CEP57L1: variants seen among roughly 807,000 people sequenced by gnomAD.
The protein encoded by CEP57L1 is centrosomal protein 57 like 1.
CEP57L1 carries 37 observed loss-of-function variants against 61.0 expected under a neutral mutation model. That is an observed-to-expected ratio of 0.61 (90% CI 0.47 to 0.80). CEP57L1 has a LOEUF of 0.80. CEP57L1 is among the 30% of genes least tolerant of loss of function. The probability of loss-of-function intolerance (pLI) is 0.00; values close to 1 mark genes in which losing one functional copy is unlikely to be tolerated. For synonymous variants in CEP57L1, 137 were observed against 162.3 expected (o/e 0.84, Z 1.19); for missense variants, 422 against 524.7 (o/e 0.80, Z 1.91).
intron 1 of CEP57L1, among the ~76,000 whole-genome samples, chr6:109,137,138 A>G (rs1056643152): frequency 1.3e-5 from 2 of 152,172 alleles, no homozygotes; most frequent in African/African-American, 4.8e-5. Flanking sequence ...TCTGTTTTTA[A>G]TAAAGTCAAT....
chr6:109,149,156 G>A (rs1477439986), intron 3 of CEP57L1, among the ~76,000 whole-genome samples: 4 of 152,134 alleles, frequency 2.6e-5, no homozygotes, highest in Non-Finnish European at 5.9e-5. Flanking sequence ...GGCTTTTGTT[G>A]CCATTGCTTT....
rs1774745904 is a variant in CEP57L1, at chr6:109,135,427, A to G, written c.-3-9792A>G. On this transcript the variant is annotated intron_variant, in intron 1 of 10. Transcript: ENST00000517392. ...CAAAAATTAATTCAAGATGGGTTAA[A>G]GACTTAAATGTTAGACCTAAAACCA... is the stretch of plus-strand genomic sequence containing the variant. 2.0e-5 allele frequency among the ~76,000 whole-genome samples: 3 copies of G among 152,236 alleles called. No homozygotes were observed. In the South Asian group the frequency reaches 6.2e-4, roughly 31 times the overall value.
At chr6:109,136,904 C>T (rs947811927) in intron 1 of CEP57L1, among the ~76,000 whole-genome samples, 3 of 151,790 alleles carry the variant, frequency 2.0e-5, no homozygotes, top group Admixed American at 6.6e-5. Flanking sequence ...TACAGATGTG[C>T]GCCACTGCGC....
chr6:109,134,152 A>G (rs901883584), intron 1 of CEP57L1, among the ~76,000 whole-genome samples: 2 of 152,220 alleles, frequency 1.3e-5, no homozygotes, highest in Admixed American at 6.5e-5. Flanking sequence ...ACATCGATGC[A>G]GAAATCCTCA....
chr6:109,145,394 T>C lies in CEP57L1; in HGVS notation c.160+13T>C, dbSNP rs1194220161. ...CCAAATAGCCAAGGTAATGCTGATA[T>C]AAAATTTGAAGAATGGTAAAAACAT... On this transcript the variant is annotated intron_variant, in intron 2 of 10. Coordinates refer to ENST00000517392, the MANE Select transcript of CEP57L1 (RefSeq NM_001271852.3). 24 of 1,513,532 alleles carry C rather than the reference T, an allele frequency of 1.6e-5. No individual in the cohort carries two copies. The highest frequency in any genetic ancestry group is 2.8e-5 in the African/African-American group (2 of 71,742). 93.8% of individuals were successfully genotyped at this position (1,513,532 alleles called of 1,614,324 possible).
At chr6:109,153,554 G>A (rs771745113) in intron 4 of CEP57L1, among the ~76,000 whole-genome samples, 65 of 150,102 alleles carry the variant, frequency 4.3e-4, no homozygotes, top group Non-Finnish European at 7.7e-4. Context: ...CCTTTTTTGC[G>A]TGTTATATTT....
chr6:109,168,387 T>C lies in CEP57L1; in HGVS notation c.*5417T>C, dbSNP rs1448125025. On this transcript the variant is annotated 3_prime_UTR_variant, in exon 11 of 11. Coordinates refer to ENST00000517392, the MANE Select transcript of CEP57L1 (RefSeq NM_001271852.3). Reference sequence around the variant, plus strand: ...GACTAAAACAGAACAATAAGAATTATACAGAAAGGTTATATTCTAGAGGCC... The same window carrying C: ...GACTAAAACAGAACAATAAGAATTACACAGAAAGGTTATATTCTAGAGGCC... Among the ~76,000 whole-genome samples the C allele has an allele frequency of 6.6e-6, 1 of 152,182 alleles. No individual in the cohort carries two copies. The highest frequency in any genetic ancestry group is 1.5e-5 in the Non-Finnish European group (1 of 68,034).
chr6:109,159,939 A>G (rs953299299), intron 9 of CEP57L1, among the ~76,000 whole-genome samples: 30 of 152,300 alleles, frequency 2.0e-4, no homozygotes, highest in African/African-American at 6.7e-4. Flanking sequence ...AGCTGAATGA[A>G]TTATTTCATT....
rs558572023 is a variant in CEP57L1, at chr6:109,159,505, C to T, written c.1016+43C>T. ...TTTTTTTTTTCAAGAGACAGTGTCT[C>T]GCTATGTTGCCCAGGCTAGTCTTGA... On this transcript the variant is annotated intron_variant, in intron 9 of 10. Transcript: ENST00000517392. 6.0e-5 allele frequency: 94 copies of T among 1,561,080 alleles called. No homozygotes were observed. The South Asian group carries it at 6.5e-4, about 11-fold the overall frequency.
intron 1 of CEP57L1, among the ~76,000 whole-genome samples, chr6:109,142,968 T>G (rs891208923): frequency 4.6e-5 from 5 of 107,906 alleles, no homozygotes; most frequent in African/African-American, 8.0e-5. Flanking sequence ...TCTCTCTCTC[T>G]CTCTCTCTCT....
At position 109,168,539 on chromosome 6, in the gene CEP57L1, A is replaced by C. The variant is rs960627733; in HGVS notation, c.*5569A>C. ...ATCCAGTCAGTGTTTTTCATAGTACATACAGTCATACCGGTGGATTGTCAA... is the reference window on the plus strand; with the variant it reads ...ATCCAGTCAGTGTTTTTCATAGTACCTACAGTCATACCGGTGGATTGTCAA... On this transcript the variant is annotated 3_prime_UTR_variant, in exon 11 of 11. Transcript: ENST00000517392. 1.3e-5 allele frequency among the ~76,000 whole-genome samples: 2 copies of C among 151,290 alleles called. No homozygotes were observed. Among genetic ancestry groups the C allele is most frequent in the African/African-American group, 4.9e-5 (2 of 41,058 alleles).
chr6:109,155,431 C>A, intron 6 of CEP57L1, 124 bp downstream of exon 6: 1 of 531,392 alleles, frequency 1.9e-6, no homozygotes, highest in Non-Finnish European at 3.1e-6. Context: ...CTTTTCGTTA[C>A]AATAATGAAA....
At position 109,150,518 on chromosome 6, in the gene CEP57L1, C is replaced by T. The variant is rs183511559; in HGVS notation, c.462+279C>T. On this transcript the variant is annotated intron_variant, in intron 4 of 10. Coordinates refer to ENST00000517392, the MANE Select transcript of CEP57L1 (RefSeq NM_001271852.3). ...CTCTACTAAAAATACAAAAATTAGC[C>T]GGGCTTGGTGGCAGGCATCTGTAAT... 7.5e-4 allele frequency among the ~76,000 whole-genome samples: 114 copies of T among 151,940 alleles called. 1 individual carries two copies. The highest frequency in any genetic ancestry group is 6.8e-3 in the Middle Eastern group (2 of 294).
intron 1 of CEP57L1, among the ~76,000 whole-genome samples, chr6:109,118,612 C>G (rs953964093): frequency 3.9e-5 from 6 of 152,232 alleles, no homozygotes; most frequent in Non-Finnish European, 8.8e-5. Flanking sequence ...CATACTGAAG[C>G]TTGCTAATAC....
In CEP57L1 at chr6:109,172,806, T is replaced by C. The variant is rs570251118; in HGVS notation, c.*9836T>C. 6.6e-6 allele frequency among the ~76,000 whole-genome samples: 1 copy of C among 152,352 alleles called. No individual in the cohort carries two copies. Among genetic ancestry groups the C allele is most frequent in the African/African-American group, 2.4e-5 (1 of 41,586 alleles). The stretch of plus-strand genomic sequence containing the variant: ...TAGTATACAAAGACCTTCTTATAAG[T>C]CTAGTTAATAAAACTAGGGCCATGT... On this transcript the variant is annotated 3_prime_UTR_variant, in exon 11 of 11. Coordinates refer to ENST00000517392, the MANE Select transcript of CEP57L1 (RefSeq NM_001271852.3).
At chr6:109,095,706 CG>C in intron 1 of CEP57L1, 131 bp downstream of exon 1, 1 of 463,678 alleles carries the variant, frequency 2.2e-6, no homozygotes, top group Non-Finnish European at 2.8e-6. Flanking sequence ...CAGTGACTTG[CG>C]TGGGAAGGAC....
At position 109,167,208 on chromosome 6, in the gene CEP57L1, T is replaced by C. The variant is rs997428751; in HGVS notation, c.*4238T>C. On this transcript the variant is annotated 3_prime_UTR_variant, in exon 11 of 11. Coordinates refer to ENST00000517392, the MANE Select transcript of CEP57L1 (RefSeq NM_001271852.3). ...CTTTGTCTTTCAATTCGTTTTTGTTTTTTTTTTCCTGTAAGGAGAATTAGA... is the reference window on the plus strand; with the variant it reads ...CTTTGTCTTTCAATTCGTTTTTGTTCTTTTTTTCCTGTAAGGAGAATTAGA... Among the ~76,000 whole-genome samples, 18 of 152,142 alleles carry C rather than the reference T, an allele frequency of 1.2e-4. No homozygotes were observed. The highest frequency in any genetic ancestry group is 4.1e-4 in the African/African-American group (17 of 41,438).
chr6:109,100,672 C>CAAA lies in CEP57L1; in HGVS notation c.-4+5115_-4+5117dup, dbSNP rs539993641. 6.8e-3 allele frequency among the ~76,000 whole-genome samples: 502 copies of CAAA among 73,650 alleles called. 9 individuals are homozygous for CAAA. Among genetic ancestry groups the CAAA allele is most frequent in the African/African-American group, 0.023 (454 of 19,596 alleles). The allele number at this position is 73,650 out of a possible 152,430, so 48.3% of individuals were successfully genotyped here. ...CCTGAGTGACAGAGTGAGATTGTCT[C>CAAA]AAAAAAAAAAAAAAAAAAAAGAAGA... is the stretch of plus-strand genomic sequence containing the variant. On this transcript the variant is annotated intron_variant, in intron 1 of 10. Transcript: ENST00000517392.
At chr6:109,112,723 T>C (rs1771810033) in intron 1 of CEP57L1, among the ~76,000 whole-genome samples, 1 of 152,220 alleles carries the variant, frequency 6.6e-6, no homozygotes, top group Admixed American at 6.5e-5. Flanking sequence ...TTTGTTCTCA[T>C]TGGTTTCAAA....
Sources: gnomAD v4.1 joint callset for allele counts (sites outside exome capture counted in the v4.1 genomes callset) on GRCh38, gnomAD v4.1.1 for gene constraint, MANE v1.5 for transcripts, NCBI Gene and HGNC (gene_info 2026-07-23, HGNC 2026-07-21) for gene names.